PALM2AKAP2: variants seen among roughly 807,000 people sequenced by gnomAD.
PALM2AKAP2 encodes the protein PALM2-AKAP2 fusion protein.
Under a neutral mutation model 71.5 loss-of-function variants are expected in PALM2AKAP2, and 37 were observed. The ratio of observed to expected loss-of-function variants is 0.52; its 90% confidence interval spans 0.40 to 0.68. The LOEUF (loss-of-function observed/expected upper bound fraction) is 0.68, where lower values mean the gene tolerates loss of function less well. Among genes scored for constraint, PALM2AKAP2 ranks in the 30% least tolerant of loss-of-function variants. The pLI, the probability that PALM2AKAP2 is intolerant of heterozygous loss-of-function variation, is 0.00. For synonymous variants in PALM2AKAP2, 468 were observed against 478.8 expected (o/e 0.98, Z 0.29); for missense variants, 1,224 against 1,191.8 (o/e 1.03, Z -0.40).
intron 1 of PALM2AKAP2, among the ~76,000 whole-genome samples, chr9:110,075,956 T>C (rs777568411): frequency 1.3e-5 from 2 of 152,124 alleles, no homozygotes; most frequent in Non-Finnish European, 2.9e-5. Flanking sequence ...TTATATTACT[T>C]TATATAGTCT....
chr9:109,852,261 C>T (rs72753051), intron 1 of PALM2AKAP2, among the ~76,000 whole-genome samples: 9,079 of 152,214 alleles, frequency 0.06, 276 homozygotes, highest in Middle Eastern at 0.1. Flanking sequence ...CCCATCCCTT[C>T]CTCCCTCCTT....
chr9:109,878,980 G>T (rs1216817596), intron 2 of PALM2AKAP2, among the ~76,000 whole-genome samples: 2 of 152,090 alleles, frequency 1.3e-5, no homozygotes, highest in African/African-American at 4.8e-5. Context: ...CAGGTGATAC[G>T]CCTGCCTTGG....
intron 3 of PALM2AKAP2, among the ~76,000 whole-genome samples, chr9:109,905,190 A>T (rs1326030987): frequency 6.6e-6 from 1 of 152,222 alleles, no homozygotes; most frequent in African/African-American, 2.4e-5. Context: ...CTTTAGTTTT[A>T]GTTCCTAAAG....
intron 2 of PALM2AKAP2, among the ~76,000 whole-genome samples, chr9:110,155,634 G>A (rs1217790240): frequency 6.6e-6 from 1 of 152,184 alleles, no homozygotes; most frequent in Non-Finnish European, 1.5e-5. Context: ...CTTTGTTGGT[G>A]TACACTTCTT....
intron 1 of PALM2AKAP2, among the ~76,000 whole-genome samples, chr9:109,650,433 T>C (rs1046012398): frequency 2.0e-5 from 3 of 152,094 alleles, no homozygotes; most frequent in Non-Finnish European, 4.4e-5. Context: ...ATTTGTTTTT[T>C]AGAGATGAAG....
chr9:110,136,104 C>T (rs777544054), intron 1 of PALM2AKAP2, 23 bp from the exon 8 acceptor site: 1 of 1,538,166 alleles, frequency 6.5e-7, no homozygotes, highest in Non-Finnish European at 8.7e-7. Context: ...TTAACCCTGA[C>T]TTTTGTTTAC....
At chr9:109,686,058 T>C (rs1051146139) in intron 1 of PALM2AKAP2, among the ~76,000 whole-genome samples, 1 of 152,228 alleles carries the variant, frequency 6.6e-6, no homozygotes, top group African/African-American at 2.4e-5. Context: ...TCAAGTTTGA[T>C]AATGAGATTG....
At chr9:109,867,620 A>C in intron 2 of PALM2AKAP2, 49 bp downstream of exon 2, 9 of 1,579,206 alleles carry the variant, frequency 5.7e-6, no homozygotes, top group African/African-American at 1.4e-5. Context: ...CATGCAGATC[A>C]CACTCCGGAG....
chr9:110,116,416 G>T (rs542653616), intron 1 of PALM2AKAP2, among the ~76,000 whole-genome samples: 1 of 152,112 alleles, frequency 6.6e-6, no homozygotes, highest in African/African-American at 2.4e-5. Context: ...GCGTGTGCGC[G>T]TGCACGCGCA....
chr9:109,856,762 C>G (rs189236880), intron 1 of PALM2AKAP2, among the ~76,000 whole-genome samples: 1 of 152,252 alleles, frequency 6.6e-6, no homozygotes, highest in East Asian at 1.9e-4. Flanking sequence ...CAGAAATGTT[C>G]ACCAGATACT....
intron 1 of PALM2AKAP2, among the ~76,000 whole-genome samples, chr9:110,121,955 G>C (rs1835495471): frequency 6.6e-6 from 1 of 152,136 alleles, no homozygotes; most frequent in Non-Finnish European, 1.5e-5. Flanking sequence ...TATGTACCTG[G>C]GATCTCATTT....
intron 1 of PALM2AKAP2, among the ~76,000 whole-genome samples, chr9:109,810,045 C>T (rs1827686838): frequency 6.6e-6 from 1 of 152,200 alleles, no homozygotes; most frequent in East Asian, 1.9e-4. Context: ...TGAACTAATA[C>T]ACCCCCGAAG....
chr9:109,951,066 T>C (rs979429637), intron 6 of PALM2AKAP2, among the ~76,000 whole-genome samples: 1 of 152,240 alleles, frequency 6.6e-6, no homozygotes, highest in Admixed American at 6.5e-5. Flanking sequence ...TCTGGAACAT[T>C]CTTTCCTGCT....
At chr9:109,788,841 G>T (rs546622901) in intron 1 of PALM2AKAP2, among the ~76,000 whole-genome samples, 11 of 152,332 alleles carry the variant, frequency 7.2e-5, no homozygotes, top group African/African-American at 2.6e-4. Context: ...GGGAGGCTGA[G>T]GTGGGAAGAT....
intron 1 of PALM2AKAP2, among the ~76,000 whole-genome samples, chr9:110,134,958 T>C (rs577636745): frequency 4.1e-4 from 62 of 151,404 alleles, no homozygotes; most frequent in African/African-American, 1.5e-3. Context: ...CATCTTATAA[T>C]TTGAAAATTA....
chr9:109,848,933 C>G (rs1828936158), intron 1 of PALM2AKAP2, among the ~76,000 whole-genome samples: 1 of 151,346 alleles, frequency 6.6e-6, no homozygotes, highest in African/African-American at 2.4e-5. Context: ...CAATTATAGA[C>G]TTGAGTAGTT....
At chr9:109,746,697 G>A (rs1443009244) in intron 1 of PALM2AKAP2, among the ~76,000 whole-genome samples, 1 of 151,464 alleles carries the variant, frequency 6.6e-6, no homozygotes, top group Non-Finnish European at 1.5e-5. Flanking sequence ...TGCTGTAAAT[G>A]CTTTAGATCT....
At chr9:110,110,940 G>A (rs1487139189) in intron 1 of PALM2AKAP2, among the ~76,000 whole-genome samples, 2 of 151,926 alleles carry the variant, frequency 1.3e-5, no homozygotes, top group Non-Finnish European at 2.9e-5. Flanking sequence ...TAGGCTAAAT[G>A]TTTTAAACAG....
At chr9:110,030,891 G>A (rs923529716) in intron 7 of PALM2AKAP2, among the ~76,000 whole-genome samples, 2 of 152,166 alleles carry the variant, frequency 1.3e-5, no homozygotes, top group Admixed American at 6.5e-5. Context: ...GGTCTGTTTC[G>A]AGGTCACTTA....
Sources: gnomAD v4.1 joint callset for allele counts (sites outside exome capture counted in the v4.1 genomes callset) on GRCh38, gnomAD v4.1.1 for gene constraint, MANE v1.5 for transcripts, NCBI Gene and HGNC (gene_info 2026-07-23, HGNC 2026-07-21) for gene names.